The following FGF12 variants were observed in gnomAD, a reference collection of about 807,000 sequenced individuals.
The protein encoded by FGF12 is fibroblast growth factor 12.
Under a neutral mutation model 23.6 loss-of-function variants are expected in FGF12, and 14 were observed. That is an observed-to-expected ratio of 0.59 (90% CI 0.39 to 0.93). The LOEUF (loss-of-function observed/expected upper bound fraction) is 0.93. Among genes scored for constraint, FGF12 ranks in the 40% least tolerant of loss-of-function variants. The pLI is 0.00. For synonymous variants in FGF12, 62 were observed against 77.3 expected (o/e 0.80, Z 1.04); for missense variants, 175 against 217.8 (o/e 0.80, Z 1.24).
At chr3:192,540,207 C>A (rs1725331146) in intron 2 of FGF12, among the ~76,000 whole-genome samples, 1 of 151,806 alleles carries the variant, frequency 6.6e-6, no homozygotes, top group African/African-American at 2.4e-5. Context: ...TCTTGCTTTT[C>A]TATTTCTTTA....
chr3:192,336,000 C>G (rs983202595), intron 3 of FGF12, among the ~76,000 whole-genome samples: 5 of 151,830 alleles, frequency 3.3e-5, no homozygotes, highest in African/African-American at 1.2e-4. Flanking sequence ...AAACTTTTTT[C>G]TTGATATCTC....
intron 5 of FGF12, among the ~76,000 whole-genome samples, chr3:192,167,532 T>C (rs1715235553): frequency 6.6e-6 from 1 of 151,798 alleles, no homozygotes; most frequent in African/African-American, 2.4e-5. Flanking sequence ...AGCTGGTCTC[T>C]AGATTTGTTT....
chr3:192,339,339 C>T (rs772899800), intron 3 of FGF12, among the ~76,000 whole-genome samples: 5 of 152,272 alleles, frequency 3.3e-5, no homozygotes, highest in Middle Eastern at 3.4e-3. Context: ...AGCCACTGTC[C>T]TAACTCATAG....
chr3:192,682,913 T>C (rs1216080750), intron 2 of FGF12, among the ~76,000 whole-genome samples: 1 of 152,234 alleles, frequency 6.6e-6, no homozygotes, highest in Admixed American at 6.5e-5. Flanking sequence ...CTTGAGGCTC[T>C]GGTGAGCTTC....
intron 4 of FGF12, among the ~76,000 whole-genome samples, chr3:192,256,093 C>A (rs1466071125): frequency 6.6e-6 from 1 of 152,024 alleles, no homozygotes; most frequent in East Asian, 1.9e-4. Flanking sequence ...AGAGTGAACC[C>A]AGCTGGTTGG....
chr3:192,525,736 G>C (rs2108848227), intron 2 of FGF12, among the ~76,000 whole-genome samples: 1 of 152,218 alleles, frequency 6.6e-6, no homozygotes, highest in Non-Finnish European at 1.5e-5. Context: ...CTCCGTACAT[G>C]AACTTAACTC....
At chr3:192,568,785 C>T (rs745765934) in intron 2 of FGF12, among the ~76,000 whole-genome samples, 1 of 152,098 alleles carries the variant, frequency 6.6e-6, no homozygotes, top group East Asian at 1.9e-4. Context: ...GAGACAGATA[C>T]ATAACGTTAT....
In FGF12 at chr3:192,514,929, G is replaced by C; in HGVS notation, c.14-154391C>G. 1.0e-6 allele frequency: 1 copy of C among 956,660 alleles called. No individual in the cohort carries two copies. The highest frequency in any genetic ancestry group is 1.2e-6 in the Non-Finnish European group (1 of 803,744). The allele number at this position is 956,660 out of a possible 1,614,324, so 59.3% of individuals were successfully genotyped here. A position where few individuals can be genotyped will look rare whatever the true frequency, so the allele number is the denominator to read the frequency against. On this transcript the variant is annotated intron_variant, in intron 2 of 5. Transcript: ENST00000445105. The surrounding 1 kb of genome is among the most constrained non-coding windows in gnomAD (Gnocchi z 4.9). Reference sequence around the variant, plus strand: ...CCCGGGCGCCGGCAGGGGGCGGGCCGGGACGCGGAAGTGCCGGTCCGCCGG... The same window carrying C: ...CCCGGGCGCCGGCAGGGGGCGGGCCCGGACGCGGAAGTGCCGGTCCGCCGG...
rs11714083 is a variant in FGF12 at position 192,333,072 on chromosome 3, C to G, written c.228+2289G>C. Among the ~76,000 whole-genome samples, 5 of 152,010 alleles carry G rather than the reference C, an allele frequency of 3.3e-5. No homozygotes were observed. In the East Asian group the frequency reaches 5.8e-4, roughly 18 times the overall value. ...CTCTTTTGGCTCAAGATTCCCACCC[C>G]CTCGTAACCTCAGAACTAAGCAAGA... On this transcript the variant is annotated intron_variant, in intron 4 of 5. Coordinates refer to ENST00000445105, the MANE Select transcript of FGF12 (RefSeq NM_004113.6).
At chr3:192,539,852 A>AT (rs763624402) in intron 2 of FGF12, among the ~76,000 whole-genome samples, 3 of 149,378 alleles carry the variant, frequency 2.0e-5, no homozygotes, top group Non-Finnish European at 3.0e-5. Context: ...CCAGTTTTGG[A>AT]TTTTTTTTCA....
intron 2 of FGF12, among the ~76,000 whole-genome samples, chr3:192,551,393 C>T (rs9810743): frequency 0.2 from 29,898 of 152,184 alleles, 3,484 homozygotes; most frequent in Middle Eastern, 0.39. Context: ...AGGTTGCCCT[C>T]AGGCCCTTGG....
At chr3:192,666,863 A>G (rs183123730) in intron 2 of FGF12, among the ~76,000 whole-genome samples, 2 of 152,280 alleles carry the variant, frequency 1.3e-5, no homozygotes, top group East Asian at 1.9e-4. Flanking sequence ...TTGACACTAC[A>G]TTAGAGATTA....
intron 4 of FGF12, among the ~76,000 whole-genome samples, chr3:192,206,370 T>G (rs1390215927): frequency 9.2e-5 from 14 of 152,218 alleles, no homozygotes; most frequent in Non-Finnish European, 8.8e-5. Flanking sequence ...TTTGCTAAAT[T>G]AGACCAAGTG....
chr3:192,214,520 G>A (rs1718092509), intron 4 of FGF12, among the ~76,000 whole-genome samples: 1 of 152,150 alleles, frequency 6.6e-6, no homozygotes, highest in African/African-American at 2.4e-5. Context: ...CTCCAAATAG[G>A]TCTATATGTG....
At chr3:192,583,047 G>A (rs540647524) in intron 2 of FGF12, among the ~76,000 whole-genome samples, 1 of 152,158 alleles carries the variant, frequency 6.6e-6, no homozygotes, top group East Asian at 1.9e-4. Flanking sequence ...CTTTCTTCAA[G>A]AGCTAGGTCA....
intron 2 of FGF12, among the ~76,000 whole-genome samples, chr3:192,497,661 C>A (rs926601238): frequency 6.6e-6 from 1 of 152,192 alleles, no homozygotes; most frequent in Non-Finnish European, 1.5e-5. Context: ...TTTCCACCTG[C>A]TGTTCCTTCC....
intron 2 of FGF12, among the ~76,000 whole-genome samples, chr3:192,682,744 C>T (rs952218702): frequency 6.6e-5 from 10 of 152,098 alleles, no homozygotes; most frequent in Non-Finnish European, 5.9e-5. Context: ...TCTCTGGATG[C>T]GGGCTAGTCC....
intron 2 of FGF12, among the ~76,000 whole-genome samples, chr3:192,510,552 A>G (rs923714356): frequency 6.6e-6 from 1 of 152,174 alleles, no homozygotes; most frequent in Non-Finnish European, 1.5e-5. Context: ...ACTTTGAAAG[A>G]CAGTTTGACA....
chr3:192,316,705 G>A (rs566451852), intron 4 of FGF12, among the ~76,000 whole-genome samples: 1 of 152,266 alleles, frequency 6.6e-6, no homozygotes, highest in Non-Finnish European at 1.5e-5. Context: ...AAGTCCTGCT[G>A]CTGGGCTGGG....
Sources: allele counts gnomAD v4.1 joint callset (sites outside exome capture counted in the v4.1 genomes callset), GRCh38; gene constraint gnomAD v4.1.1; non-coding constraint Gnocchi (gnomAD v3.1); transcripts MANE v1.5; gene names NCBI Gene and HGNC (gene_info 2026-07-23, HGNC 2026-07-21).